DCHS2: variants seen among roughly 807,000 people sequenced by gnomAD.
DCHS2 encodes dachsous cadherin-related 2.
DCHS2 carries 142 observed loss-of-function variants against 182.4 expected under a neutral mutation model. That is an observed-to-expected ratio of 0.78 (90% CI 0.68 to 0.89). DCHS2 has a LOEUF of 0.89. Among genes scored for constraint, DCHS2 ranks in the 40% least tolerant of loss-of-function variants. The pLI is 0.00. For synonymous variants in DCHS2, 1,740 were observed against 1,663.3 expected, an observed-to-expected ratio of 1.05 and a Z score of -1.12; for missense variants, 4,319 against 4,198.6, an observed-to-expected ratio of 1.03 and a Z score of -0.79.
intron 2 of DCHS2, among the ~76,000 whole-genome samples, chr4:154,369,127 A>G (rs940322914): frequency 6.6e-6 from 1 of 152,252 alleles, no homozygotes; most frequent in Admixed American, 6.5e-5. Flanking sequence ...ACATGGGACA[A>G]CTATTGCTAT....
Position 154,439,248 on chromosome 4 carries a change from G to T in DCHS2, c.2052+50056C>A, listed in dbSNP as rs1313157173. Among the ~76,000 whole-genome samples the T allele has an allele frequency of 3.9e-5, 6 of 152,096 alleles. No individual in the cohort carries two copies. In the East Asian group the frequency reaches 1.2e-3, roughly 29 times the overall value. On this transcript the variant is annotated intron_variant, in intron 1 of 19. Coordinates refer to ENST00000357232, the MANE Select transcript of DCHS2 (RefSeq NM_001358235.2). ...CATATTTATGCCAGTATTTTTGTAG[G>T]TGAGATTTATAAAGATGGGAGTTCT...
At chr4:154,437,261 C>T (rs1733817906) in intron 1 of DCHS2, among the ~76,000 whole-genome samples, 1 of 152,190 alleles carries the variant, frequency 6.6e-6, no homozygotes, top group Non-Finnish European at 1.5e-5. Flanking sequence ...CAAGTGACTC[C>T]TTTGCACAAT....
Position 154,489,571 on chromosome 4 carries a change from C to A in DCHS2, c.1785G>T (p.Lys595Asn), listed in dbSNP as rs1286711975. The A allele has an allele frequency of 7.1e-6, 11 of 1,550,978 alleles. No individual in the cohort carries two copies. Among genetic ancestry groups the A allele is most frequent in the Non-Finnish European group, 9.6e-6 (11 of 1,146,642 alleles). Residue 595 changes from lysine to asparagine, a missense_variant, in exon 1 of 20, where the codon AAG becomes AAT. Transcript: ENST00000357232. ...GTCCACACTCTGCGGTGTGGACCAT[C>A]TTTGATTGCAGGGAGCCGAGATTGC... ...APCNLGSLQSKMVHTAECGPS... is the reference protein window; with the variant it reads ...APCNLGSLQSNMVHTAECGPS...
intron 10 of DCHS2, among the ~76,000 whole-genome samples, chr4:154,312,721 C>T (rs920445513): frequency 1.6e-4 from 24 of 152,096 alleles, no homozygotes; most frequent in Non-Finnish European, 2.9e-5. Context: ...ATTGTCCACT[C>T]GAATGAGAAA....
At chr4:154,462,657 T>C (rs1735059190) in intron 1 of DCHS2, among the ~76,000 whole-genome samples, 2 of 152,150 alleles carry the variant, frequency 1.3e-5, no homozygotes, top group African/African-American at 4.8e-5. Flanking sequence ...TGACAACTGT[T>C]CCAATCCAAA....
intron 7 of DCHS2, among the ~76,000 whole-genome samples, chr4:154,324,151 T>C (rs1430280763): frequency 6.6e-6 from 1 of 152,220 alleles, no homozygotes; most frequent in African/African-American, 2.4e-5. Flanking sequence ...TGCTTTTGTT[T>C]TGGAAATCGT....
chr4:154,460,383 A>C (rs1303981091), intron 1 of DCHS2, among the ~76,000 whole-genome samples: 1 of 152,020 alleles, frequency 6.6e-6, no homozygotes, highest in Non-Finnish European at 1.5e-5. Context: ...ACATTTGTAA[A>C]CCTCCTTAAT....
chr4:154,239,112 C>G (rs938011857), intron 19 of DCHS2, 58 bp downstream of exon 19: 2 of 1,564,558 alleles, frequency 1.3e-6, no homozygotes, highest in East Asian at 2.3e-5. Flanking sequence ...AGGGTTATTT[C>G]AGGTTTCTAC....
chr4:154,391,744 A>G (rs1012993536), intron 1 of DCHS2, among the ~76,000 whole-genome samples: 5 of 152,092 alleles, frequency 3.3e-5, no homozygotes, highest in Non-Finnish European at 7.4e-5. Context: ...AGAAAACAAG[A>G]TATTTTTCTC....
chr4:154,264,035 G>A (rs1176628187), intron 14 of DCHS2, among the ~76,000 whole-genome samples: 7 of 152,018 alleles, frequency 4.6e-5, no homozygotes, highest in Non-Finnish European at 7.4e-5. Flanking sequence ...ATTTATGGTA[G>A]CTATACTATC....
chr4:154,297,744 A>C, intron 13 of DCHS2, 107 bp downstream of exon 13: 1 of 1,494,188 alleles, frequency 6.7e-7, no homozygotes, highest in East Asian at 2.3e-5. Context: ...CATTGAACTA[A>C]AAAATGTATA....
intron 1 of DCHS2, among the ~76,000 whole-genome samples, chr4:154,432,625 A>G (rs1733604606): frequency 6.6e-6 from 1 of 152,118 alleles, no homozygotes. Flanking sequence ...TAAAATTTTC[A>G]GGATAATGGA....
In DCHS2 at chr4:154,235,195, C is replaced by A. The variant is rs535611182; in HGVS notation, c.9457G>T (p.Val3153Leu). The change falls in exon 20 of 20, where the codon GTG (valine) becomes TTG (leucine). Residue 3153 changes from valine (V) to leucine (L), a missense_variant. By Grantham distance (32) the Val-to-Leu change is conservative (BLOSUM62 1). Coordinates refer to ENST00000357232, the MANE Select transcript of DCHS2 (RefSeq NM_001358235.2). ...CTGGCTTCTGCTGTTTCGGCAGTCA[C>A]CATCACATCAGTTTCCCCAGATAGG... ...SCLSGETDVMVTAETAEASQT... is the reference protein window; with the variant it reads ...SCLSGETDVMLTAETAEASQT... 1 of 1,614,120 alleles carries A rather than the reference C, an allele frequency of 6.2e-7. No individual in the cohort carries two copies. Among genetic ancestry groups the A allele is most frequent in the Non-Finnish European group, 8.5e-7 (1 of 1,179,976 alleles).
intron 1 of DCHS2, among the ~76,000 whole-genome samples, chr4:154,443,674 C>T (rs929370247): frequency 5.9e-5 from 9 of 152,172 alleles, no homozygotes; most frequent in African/African-American, 1.7e-4. Context: ...GCAATTATTA[C>T]ATATCATAGG....
At chr4:154,262,362 A>C (rs917654581) in intron 14 of DCHS2, among the ~76,000 whole-genome samples, 7 of 152,216 alleles carry the variant, frequency 4.6e-5, no homozygotes, top group Non-Finnish European at 8.8e-5. Flanking sequence ...TCCTTGGATA[A>C]TACATGGGTA....
At chr4:154,248,296 A>G (rs990398227) in intron 16 of DCHS2, among the ~76,000 whole-genome samples, 3 of 152,238 alleles carry the variant, frequency 2.0e-5, no homozygotes, top group Admixed American at 6.5e-5. Flanking sequence ...GAATATAGAA[A>G]GAGTTGGAGT....
chr4:154,263,221 T>G (rs1039476355), intron 14 of DCHS2, among the ~76,000 whole-genome samples: 1 of 152,134 alleles, frequency 6.6e-6, no homozygotes, highest in Non-Finnish European at 1.5e-5. Flanking sequence ...AGATACAATT[T>G]TAATGATAAT....
In DCHS2 at chr4:154,377,306, C is replaced by A; in HGVS notation, c.2191G>T (p.Asp731Tyr). ...DGQICVSQDI[D>Y]RERDPATYDL... ...TAGGTAGCTGGATCCCTTTCCCTGT[C>A]GATATCTTGAGAAACACAGATTTGC... Residue 731 changes from aspartate (D) to tyrosine (Y), a missense_variant, in exon 2 of 20, where the codon GAC (aspartate) becomes TAC (tyrosine). By Grantham distance (160) the Asp-to-Tyr change is radical. Transcript: ENST00000357232. The A allele has an allele frequency of 6.2e-7, 1 of 1,613,638 alleles. No individual in the cohort carries two copies. Among genetic ancestry groups the A allele is most frequent in the Non-Finnish European group, 8.5e-7 (1 of 1,179,706 alleles).
In DCHS2 at chr4:154,489,295, T is replaced by A. The variant is rs939425975; in HGVS notation, c.2052+9A>T. ...CCTTCAGGTTGGCCCACAGGCCTGATGCACTCACCTGCAGAAAGCAGTGTC... is the reference window on the plus strand; with the variant it reads ...CCTTCAGGTTGGCCCACAGGCCTGAAGCACTCACCTGCAGAAAGCAGTGTC... On this transcript the variant is annotated intron_variant, in intron 1 of 19. Coordinates refer to ENST00000357232, the MANE Select transcript of DCHS2 (RefSeq NM_001358235.2). The A allele has an allele frequency of 1.5e-5, 23 of 1,500,916 alleles. No homozygotes were observed. Among genetic ancestry groups the A allele is most frequent in the Middle Eastern group, 3.5e-4 (2 of 5,758 alleles). The allele number at this position is 1,500,916 out of a possible 1,614,324, so 93.0% of individuals were successfully genotyped here.
Sources: gnomAD v4.1 joint callset for allele counts (sites outside exome capture counted in the v4.1 genomes callset) on GRCh38, gnomAD v4.1.1 for gene constraint, MANE v1.5 for transcripts, NCBI Gene and HGNC (gene_info 2026-07-23, HGNC 2026-07-21) for gene names.